SLC24A3: variants seen among roughly 807,000 people sequenced by gnomAD.
SLC24A3 encodes solute carrier family 24 member 3, also known as sodium/potassium/calcium exchanger 3.
A neutral mutation model predicts 75.8 loss-of-function variants in SLC24A3; 28 were observed. That is an observed-to-expected ratio of 0.37 (90% CI 0.27 to 0.51). The LOEUF (loss-of-function observed/expected upper bound fraction) is 0.51, where lower values mean the gene tolerates loss of function less well. Ranked by LOEUF, SLC24A3 falls within the 20% of genes least tolerant of loss-of-function variation. The pLI is 0.94. For missense variants in SLC24A3, 663 were observed against 847.8 expected (o/e 0.78, Z 2.71); for synonymous variants, 372 against 334.1 (o/e 1.11, Z -1.24).
chr20:19,566,679 A>T (rs1299643476), intron 3 of SLC24A3, among the ~76,000 whole-genome samples: 2 of 152,220 alleles, frequency 1.3e-5, no homozygotes, highest in African/African-American at 4.8e-5. Context: ...TTCCTTGGAA[A>T]ATAATTAATG....
At chr20:19,451,816 C>T (rs149319820) in intron 2 of SLC24A3, among the ~76,000 whole-genome samples, 34 of 152,180 alleles carry the variant, frequency 2.2e-4, no homozygotes, top group African/African-American at 7.0e-4. Flanking sequence ...TCATGTCATG[C>T]GCTGGCACCT....
intron 6 of SLC24A3, among the ~76,000 whole-genome samples, chr20:19,601,376 G>A (rs139721969): frequency 5.4e-4 from 82 of 152,250 alleles, no homozygotes; most frequent in African/African-American, 1.6e-3. Context: ...GGTCTGTTCC[G>A]GCCAGCAAGA....
At chr20:19,514,739 T>C (rs2029950167) in intron 2 of SLC24A3, among the ~76,000 whole-genome samples, 1 of 152,180 alleles carries the variant, frequency 6.6e-6, no homozygotes, top group South Asian at 2.1e-4. Flanking sequence ...GACCGTCAGT[T>C]CACAGACTCC....
rs780733332 is a variant in SLC24A3 at position 19,280,982 on chromosome 20, G to T, written c.166G>T (p.Gly56Trp). The T allele has an allele frequency of 6.2e-7, 1 of 1,613,926 alleles. No homozygotes were observed. The highest frequency in any genetic ancestry group is 8.5e-7 in the Non-Finnish European group (1 of 1,179,928). Residue 56 changes from glycine to tryptophan, a missense_variant, in exon 2 of 17, where the codon GGG becomes TGG. Physicochemically the swap from Gly to Trp is radical, Grantham distance 184 (BLOSUM62 -2). Coordinates refer to ENST00000328041, the MANE Select transcript of SLC24A3 (RefSeq NM_020689.4). ...AGAGCTTGACCTCATGGACCTCGTA[G>T]GGGAAGACAGAAAGTGGATGATGGC... ...QKELDLMDLVGEDRKWMMARK... is the reference protein window; with the variant it reads ...QKELDLMDLVWEDRKWMMARK...
chr20:19,532,166 G>C (rs3790248), intron 3 of SLC24A3, among the ~76,000 whole-genome samples: 22,633 of 152,192 alleles, frequency 0.15, 1,840 homozygotes, highest in Middle Eastern at 0.2. Flanking sequence ...CTAGACGACG[G>C]ATCTAAGAAC....
chr20:19,599,190 G>A (rs2031492211), intron 6 of SLC24A3, among the ~76,000 whole-genome samples: 1 of 152,130 alleles, frequency 6.6e-6, no homozygotes, highest in South Asian at 2.1e-4. Context: ...GCAGAACAAG[G>A]CAATTTGCTT....
intron 2 of SLC24A3, among the ~76,000 whole-genome samples, chr20:19,334,738 A>ACACGCCTCAGAGCTCTGTAAGC (rs1433864637): frequency 6.6e-6 from 1 of 152,158 alleles, no homozygotes; most frequent in Non-Finnish European, 1.5e-5. Flanking sequence ...CCTCTGTAGG[A>ACACGCCTCAGAGCTCTGTAAGC]CACGCCTCAG....
chr20:19,222,976 C>A (rs1568561413), intron 1 of SLC24A3, among the ~76,000 whole-genome samples: 1 of 151,930 alleles, frequency 6.6e-6, no homozygotes, highest in Non-Finnish European at 1.5e-5. Flanking sequence ...TAGAGAATTT[C>A]AGATTCACAC....
rs190666607 is a variant in SLC24A3, at chr20:19,504,613, G to A, written c.272-10875G>A. Among the ~76,000 whole-genome samples the A allele has an allele frequency of 6.6e-5, 10 of 152,272 alleles. No individual in the cohort carries two copies. The East Asian group carries it at 1.7e-3, about 27-fold the overall frequency. On this transcript the variant is annotated intron_variant, in intron 2 of 16. Coordinates refer to ENST00000328041, the MANE Select transcript of SLC24A3 (RefSeq NM_020689.4). ...ATTTAGTGGGTTCCTGTGTACATCA[G>A]CCTATTGGTCTGGATCAATAGCAGA... is the stretch of plus-strand genomic sequence containing the variant.
chr20:19,620,011 C>T (rs1434326017), intron 6 of SLC24A3, among the ~76,000 whole-genome samples: 1 of 152,130 alleles, frequency 6.6e-6, no homozygotes, highest in Non-Finnish European at 1.5e-5. Context: ...GTCACAAGAC[C>T]ACCCACCTTG....
chr20:19,424,106 G>C (rs1319388673), intron 2 of SLC24A3, among the ~76,000 whole-genome samples: 1 of 152,152 alleles, frequency 6.6e-6, no homozygotes, highest in Non-Finnish European at 1.5e-5. Context: ...GGGGTGGCTG[G>C]TGCAAGGGAG....
intron 2 of SLC24A3, among the ~76,000 whole-genome samples, chr20:19,292,808 C>A (rs144699865): frequency 2.0e-5 from 3 of 152,218 alleles, no homozygotes; most frequent in African/African-American, 7.2e-5. Flanking sequence ...TCTTACAGTT[C>A]TGGAAGCTGG....
intron 2 of SLC24A3, among the ~76,000 whole-genome samples, chr20:19,383,195 T>C (rs985347122): frequency 7.2e-5 from 11 of 152,208 alleles, no homozygotes; most frequent in African/African-American, 2.7e-4. Flanking sequence ...GCTGCTTGGC[T>C]CATCCAGTCC....
intron 2 of SLC24A3, among the ~76,000 whole-genome samples, chr20:19,436,245 G>T (rs551415544): frequency 6.6e-6 from 1 of 152,136 alleles, no homozygotes; most frequent in Admixed American, 6.5e-5. Flanking sequence ...TAATTGACCC[G>T]TCCTTTTTCA....
At chr20:19,528,003 G>C (rs190830578) in intron 3 of SLC24A3, among the ~76,000 whole-genome samples, 1 of 152,274 alleles carries the variant, frequency 6.6e-6, no homozygotes, top group Non-Finnish European at 1.5e-5. Flanking sequence ...GCAACTACTA[G>C]AAAGTAAGCA....
chr20:19,473,530 T>TC (rs1168862392), intron 2 of SLC24A3, among the ~76,000 whole-genome samples: 2 of 152,264 alleles, frequency 1.3e-5, no homozygotes, highest in African/African-American at 4.8e-5. Flanking sequence ...TTTCTTTTTT[T>TC]CATCCTACAA....
At chr20:19,364,192 A>G (rs760160946) in intron 2 of SLC24A3, among the ~76,000 whole-genome samples, 1 of 152,112 alleles carries the variant, frequency 6.6e-6, no homozygotes, top group Non-Finnish European at 1.5e-5. Context: ...CAGATCACCA[A>G]CCGTGTGGGT....
chr20:19,579,587 T>C (rs1261623299), intron 3 of SLC24A3, among the ~76,000 whole-genome samples: 3 of 152,206 alleles, frequency 2.0e-5, no homozygotes, highest in Non-Finnish European at 4.4e-5. Flanking sequence ...ATTTAACATA[T>C]AATGTATCAG....
intron 1 of SLC24A3, among the ~76,000 whole-genome samples, chr20:19,258,631 G>A (rs909145664): frequency 6.6e-6 from 1 of 152,194 alleles, no homozygotes; most frequent in Admixed American, 6.5e-5. Context: ...GAATCCAGGA[G>A]GCGGAAGTTG....
Sources: gnomAD v4.1 joint callset for allele counts (sites outside exome capture counted in the v4.1 genomes callset) on GRCh38, gnomAD v4.1.1 for gene constraint, MANE v1.5 for transcripts, NCBI Gene and HGNC (gene_info 2026-07-23, HGNC 2026-07-21) for gene names.